CNTNAP5: variants seen among roughly 807,000 people sequenced by gnomAD.
CNTNAP5 encodes the protein contactin-associated protein-like 5.
In CNTNAP5, 72 loss-of-function variants were observed where a neutral mutation model predicts 150.2. The ratio of observed to expected loss-of-function variants is 0.48; its 90% CI spans 0.40 to 0.58. The LOEUF is 0.58. CNTNAP5 is among the 20% of genes least tolerant of loss of function. The pLI is 0.00. For synonymous variants in CNTNAP5, 672 were observed against 619.8 expected, an observed-to-expected ratio of 1.08 and a Z score of -1.25; for missense variants, 1,636 against 1,626.2, an observed-to-expected ratio of 1.01 and a Z score of -0.10.
At chr2:124,588,233 TTTC>T (rs1264141673) in intron 11 of CNTNAP5, among the ~76,000 whole-genome samples, 9 of 149,002 alleles carry the variant, frequency 6.0e-5, no homozygotes, top group East Asian at 4.0e-4. Context: ...TCTTTCTTTC[TTTC>T]TTCTTTCTTT....
chr2:124,791,260 C>T lies in CNTNAP5; in HGVS notation c.2992+1119C>T, dbSNP rs553064058. Among the ~76,000 whole-genome samples the T allele has an allele frequency of 3.9e-5, 6 of 152,312 alleles. No homozygotes were observed. In the South Asian group the frequency reaches 1.2e-3, roughly 32 times the overall value. On this transcript the variant is annotated intron_variant, in intron 18 of 23. Transcript: ENST00000682447. Reference sequence around the variant, plus strand: ...GCCCTCCGTTCATTCATACAGGGGCCTTCTCCTGAATTAGTTTGAATTACT... The same window carrying T: ...GCCCTCCGTTCATTCATACAGGGGCTTTCTCCTGAATTAGTTTGAATTACT...
intron 1 of CNTNAP5, among the ~76,000 whole-genome samples, chr2:124,140,435 G>T: frequency 7.7e-6 from 1 of 130,300 alleles, no homozygotes; most frequent in Non-Finnish European, 1.6e-5. Flanking sequence ...CACGCAGCTG[G>T]AGATCTGAGA....
intron 3 of CNTNAP5, among the ~76,000 whole-genome samples, chr2:124,323,514 T>C (rs1689147228): frequency 6.6e-6 from 1 of 152,146 alleles, no homozygotes; most frequent in Admixed American, 6.5e-5. Flanking sequence ...AGAGGTTCCA[T>C]CTACAGGAGA....
intron 1 of CNTNAP5, among the ~76,000 whole-genome samples, chr2:124,033,664 T>C (rs1472883661): frequency 7.0e-6 from 1 of 142,096 alleles, no homozygotes; most frequent in Non-Finnish European, 1.5e-5. Context: ...GACCTGTTAC[T>C]GATGCAGGCC....
chr2:124,147,955 C>T (rs1004858735), intron 1 of CNTNAP5, among the ~76,000 whole-genome samples: 9 of 152,120 alleles, frequency 5.9e-5, no homozygotes, highest in African/African-American at 1.9e-4. Flanking sequence ...TTTGCGAACA[C>T]GATGCTGATT....
intron 8 of CNTNAP5, among the ~76,000 whole-genome samples, chr2:124,510,506 T>G: frequency 1.6e-5 from 1 of 63,468 alleles, no homozygotes; most frequent in Non-Finnish European, 3.2e-5. Flanking sequence ...TATATATATA[T>G]ATATATATAT....
chr2:124,033,873 A>G (rs988056595), intron 1 of CNTNAP5, among the ~76,000 whole-genome samples: 1 of 152,190 alleles, frequency 6.6e-6, no homozygotes, highest in African/African-American at 2.4e-5. Context: ...GAGTATAGGA[A>G]AGCAAATCTA....
intron 1 of CNTNAP5, among the ~76,000 whole-genome samples, chr2:124,126,712 T>C (rs920638652): frequency 4.6e-5 from 7 of 152,192 alleles, no homozygotes; most frequent in African/African-American, 1.7e-4. Flanking sequence ...TTATCCACCA[T>C]GATCAAGTTG....
chr2:124,030,672 G>T (rs879510027), intron 1 of CNTNAP5, among the ~76,000 whole-genome samples: 2 of 151,988 alleles, frequency 1.3e-5, no homozygotes, highest in Non-Finnish European at 2.9e-5. Context: ...AAAAAATGGA[G>T]ATCTAGATTT....
At chr2:124,099,159 C>T (rs1683008286) in intron 1 of CNTNAP5, among the ~76,000 whole-genome samples, 1 of 152,158 alleles carries the variant, frequency 6.6e-6, no homozygotes, top group Admixed American at 6.5e-5. Flanking sequence ...CCTCTGCACC[C>T]TTCAATTTCA....
At chr2:124,315,766 G>C (rs1688944946) in intron 3 of CNTNAP5, among the ~76,000 whole-genome samples, 1 of 151,718 alleles carries the variant, frequency 6.6e-6, no homozygotes, top group East Asian at 1.9e-4. Flanking sequence ...AGGGGATCCT[G>C]CATAGCTTGA....
At chr2:124,674,825 T>G (rs971644187) in intron 13 of CNTNAP5, among the ~76,000 whole-genome samples, 1 of 152,064 alleles carries the variant, frequency 6.6e-6, no homozygotes, top group Non-Finnish European at 1.5e-5. Flanking sequence ...AATTTAAATT[T>G]AAGAATTTTG....
chr2:124,275,094 C>A (rs1296484929), intron 3 of CNTNAP5, among the ~76,000 whole-genome samples: 4 of 152,188 alleles, frequency 2.6e-5, no homozygotes, highest in Admixed American at 2.0e-4. Flanking sequence ...CTTTATAAAA[C>A]CATTAGATCT....
chr2:124,591,967 AT>A, intron 11 of CNTNAP5, among the ~76,000 whole-genome samples: 1 of 152,168 alleles, frequency 6.6e-6, no homozygotes, highest in Non-Finnish European at 1.5e-5. Flanking sequence ...TTAGATAAAC[AT>A]TAGCATAGTA....
At chr2:124,370,779 G>T (rs1004955865) in intron 3 of CNTNAP5, among the ~76,000 whole-genome samples, 8 of 152,070 alleles carry the variant, frequency 5.3e-5, no homozygotes, top group Admixed American at 5.2e-4. Flanking sequence ...TCCTTCTTCT[G>T]ATCTTAGGTT....
chr2:124,152,125 CA>C (rs1684420574), intron 1 of CNTNAP5, among the ~76,000 whole-genome samples: 1 of 152,124 alleles, frequency 6.6e-6, no homozygotes, highest in South Asian at 2.1e-4. Flanking sequence ...AGAGGTAAAG[CA>C]ACTTGCTGAC....
chr2:124,464,752 G>T (rs1276778886), intron 6 of CNTNAP5, among the ~76,000 whole-genome samples: 1 of 152,138 alleles, frequency 6.6e-6, no homozygotes, highest in African/African-American at 2.4e-5. Context: ...GTCCTCATTT[G>T]TAATGGCAGA....
chr2:124,078,016 G>C (rs576315233), intron 1 of CNTNAP5, among the ~76,000 whole-genome samples: 40 of 152,262 alleles, frequency 2.6e-4, no homozygotes, highest in African/African-American at 8.7e-4. Flanking sequence ...GTTATTTGTT[G>C]AGTTAACTTA....
intron 1 of CNTNAP5, among the ~76,000 whole-genome samples, chr2:124,070,994 G>A (rs533573749): frequency 6.6e-6 from 1 of 152,006 alleles, no homozygotes; most frequent in Non-Finnish European, 1.5e-5. Flanking sequence ...ATAATATCGA[G>A]CATATTTTCT....
Sources: gnomAD v4.1 joint callset for allele counts (sites outside exome capture counted in the v4.1 genomes callset) on GRCh38, gnomAD v4.1.1 for gene constraint, MANE v1.5 for transcripts, NCBI Gene and HGNC (gene_info 2026-07-23, HGNC 2026-07-21) for gene names.